Variants in SAP30L observed in about 807,000 individuals in gnomAD.
SAP30L encodes the protein histone deacetylase complex subunit SAP30L.
A neutral mutation model predicts 22.3 loss-of-function variants in SAP30L; 10 were observed. The observed-to-expected ratio is 0.45, with a 90% CI of 0.28 to 0.76. The LOEUF is 0.76. Among genes scored for constraint, SAP30L ranks in the 30% least tolerant of loss-of-function variants. The pLI is 0.14. For synonymous variants in SAP30L, 91 were observed against 94.1 expected (o/e 0.97, Z 0.19); for missense variants, 206 against 237.9 (o/e 0.87, Z 0.88).
intron 3 of SAP30L, among the ~76,000 whole-genome samples, chr5:154,455,137 C>T (rs1582044648): frequency 3.3e-5 from 5 of 152,248 alleles, no homozygotes; most frequent in South Asian, 2.1e-4. Flanking sequence ...AGGCTGGTCT[C>T]GGACTCCTGA....
In SAP30L at chr5:154,456,412, G is replaced by A. The variant is rs146334521; in HGVS notation, c.*384G>A. 2.1e-4 allele frequency: 36 copies of A among 170,062 alleles called. No individual in the cohort carries two copies. The highest frequency in any genetic ancestry group is 1.6e-3 in the South Asian group (12 of 7,474). The allele number at this position is 170,062 out of a possible 1,614,324, so 10.5% of individuals were successfully genotyped here. A position where few individuals can be genotyped will look rare whatever the true frequency, so the allele number is the denominator to read the frequency against. On this transcript the variant is annotated 3_prime_UTR_variant, in exon 4 of 4. Transcript: ENST00000297109. ...CAGCAAGGTGCAATTGGCCATGGAA[G>A]TGCATGAGCAGACCCACATCTGGAC... is the stretch of plus-strand genomic sequence containing the variant.
At chr5:154,452,496 G>T (rs1757164957) in intron 2 of SAP30L, 15 of 985,022 alleles carry the variant, frequency 1.5e-5, no homozygotes, top group Non-Finnish European at 1.8e-5. Flanking sequence ...TCTTTTAGAG[G>T]CAGGTAAAGG....
chr5:154,446,413 G>C lies in SAP30L; in HGVS notation c.-192G>C, dbSNP rs2277938. 13,778 of 436,612 alleles carry C rather than the reference G, an allele frequency of 0.032. 814 individuals are homozygous for C. Among genetic ancestry groups the C allele is most frequent in the East Asian group, 0.23 (6,236 of 27,074 alleles). 27.0% of individuals were successfully genotyped at this position (436,612 alleles called of 1,614,324 possible). The stretch of plus-strand genomic sequence containing the variant: ...GGGGCCTCGAGCCGGGAGGAAGGGG[G>C]CTTCCGGAGGCGGAGGGCCGGGGGC... On this transcript the variant is annotated 5_prime_UTR_variant, in exon 1 of 4. Transcript: ENST00000297109.
Position 154,453,470 on chromosome 5 carries a change from A to G in SAP30L, c.393A>G (p.Arg131=). The change falls in exon 3 of 4, where the codon AGA becomes AGG. Residue 131 remains arginine, a synonymous_variant. Transcript: ENST00000297109. The part of the protein sequence containing the change: ...RYKRHYKLQT[R]PGFNKAQLAE... ...AACGACACTACAAGTTGCAGACCAG[A>G]CCAGGCTTCAATAAGGCCCAGTTAG... 1 of 1,614,070 alleles carries G rather than the reference A, an allele frequency of 6.2e-7. No homozygotes were observed. Among genetic ancestry groups the G allele is most frequent in the East Asian group, 2.2e-5 (1 of 44,882 alleles).
rs1023731679 is a variant in SAP30L at position 154,458,748 on chromosome 5, G to T, written c.*2720G>T. On this transcript the variant is annotated 3_prime_UTR_variant, in exon 4 of 4. Transcript: ENST00000297109. ...GAAACATCAGTATCCTGCCATTCAT[G>T]TTGTTTTAAGATGTTTTAAAAACCA... is the stretch of plus-strand genomic sequence containing the variant. 1 of 152,072 alleles carries T rather than the reference G, an allele frequency of 6.6e-6. No homozygotes were observed. Among genetic ancestry groups the T allele is most frequent in the Non-Finnish European group, 1.5e-5 (1 of 68,030 alleles). The allele number at this position is 152,072 out of a possible 1,614,324, so 9.4% of individuals were successfully genotyped here. A position where few individuals can be genotyped will look rare whatever the true frequency, so the allele number is the denominator to read the frequency against.
rs1336880742 is a variant in SAP30L at position 154,457,496 on chromosome 5, T to A, written c.*1468T>A. On this transcript the variant is annotated 3_prime_UTR_variant, in exon 4 of 4. Transcript: ENST00000297109. ...GCAGAGAGTTTCACAGATGACTTAA[T>A]CTGAGCACCATCACAGAGAAGTCAG... 1.3e-5 allele frequency: 2 copies of A among 152,180 alleles called. No individual in the cohort carries two copies. Among genetic ancestry groups the A allele is most frequent in the Non-Finnish European group, 2.9e-5 (2 of 68,042 alleles). The allele number at this position is 152,180 out of a possible 1,614,324, so 9.4% of individuals were successfully genotyped here.
intron 3 of SAP30L, among the ~76,000 whole-genome samples, chr5:154,455,043 G>A (rs558739539): frequency 7.3e-5 from 11 of 151,598 alleles, no homozygotes; most frequent in African/African-American, 1.9e-4. Context: ...CATGTTTCCC[G>A]AGTGGCTGGG....
At position 154,459,059 on chromosome 5, in the gene SAP30L, G is replaced by C. The variant is rs1757321630; in HGVS notation, c.*3031G>C. The C allele has an allele frequency of 6.6e-6, 1 of 152,236 alleles. No homozygotes were observed. Among genetic ancestry groups the C allele is most frequent in the Non-Finnish European group, 1.5e-5 (1 of 68,038 alleles). The allele number at this position is 152,236 out of a possible 1,614,324, so 9.4% of individuals were successfully genotyped here. On this transcript the variant is annotated 3_prime_UTR_variant, in exon 4 of 4. Transcript: ENST00000297109. ...GTTTAGGCTTTTTATTTTGTGGGAA[G>C]CTTTTTGTTAATATCCTGCAGGGCA... is the stretch of plus-strand genomic sequence containing the variant.
rs1302239651 is a variant in SAP30L at position 154,456,738 on chromosome 5, C to A, written c.*710C>A. 1 of 152,272 alleles carries A rather than the reference C, an allele frequency of 6.6e-6. No individual in the cohort carries two copies. The highest frequency in any genetic ancestry group is 1.5e-5 in the Non-Finnish European group (1 of 68,066). 9.4% of individuals were successfully genotyped at this position (152,272 alleles called of 1,614,324 possible). A position where few individuals can be genotyped will look rare whatever the true frequency, so the allele number is the denominator to read the frequency against. On this transcript the variant is annotated 3_prime_UTR_variant, in exon 4 of 4. Coordinates refer to ENST00000297109, the MANE Select transcript of SAP30L (RefSeq NM_024632.6). The stretch of plus-strand genomic sequence containing the variant: ...GAAGTTTCTGATCAGATAAGGATTT[C>A]AGGACAGTTGCATGTGCAAAACTAT...
chr5:154,446,668 G>A lies in SAP30L; in HGVS notation c.64G>A (p.Ala22Thr), dbSNP rs1413421565. The change falls in exon 1 of 4, where the codon GCC becomes ACC. Residue 22 changes from alanine to threonine, a missense_variant. Physicochemically the swap from Ala to Thr is moderately conservative, Grantham distance 58. Transcript: ENST00000297109. ...GCCCCCCGCCGCCCCAGCTGCCGCC[G>A]CCCCGGGCTACGGCCAGAGCTGCTG... ...EGPPAAPAAA[A>T]PGYGQSCCLI... The A allele has an allele frequency of 6.4e-7, 1 of 1,553,580 alleles. No individual in the cohort carries two copies. Among genetic ancestry groups the A allele is most frequent in the East Asian group, 2.4e-5 (1 of 40,890 alleles).
At position 154,446,462 on chromosome 5, in the gene SAP30L, G is replaced by A. The variant is rs548669814; in HGVS notation, c.-143G>A. ...GCCGAGGGAGCCGGGCCTCTCGGAC[G>A]CGGGGCAGGGCAGCGCCCGGGCTGG... is the stretch of plus-strand genomic sequence containing the variant. On this transcript the variant is annotated 5_prime_UTR_variant, in exon 1 of 4. Transcript: ENST00000297109. 1.5e-4 allele frequency: 94 copies of A among 609,264 alleles called. 1 individual carries two copies. In the South Asian group the frequency reaches 3.6e-3, roughly 23 times the overall value. 37.7% of individuals were successfully genotyped at this position (609,264 alleles called of 1,614,324 possible).
chr5:154,448,632 A>C (rs1757075650), intron 1 of SAP30L, among the ~76,000 whole-genome samples: 1 of 152,260 alleles, frequency 6.6e-6, no homozygotes, highest in Non-Finnish European at 1.5e-5. Context: ...CAGTCCTTTT[A>C]GATCACTGGA....
chr5:154,448,688 T>G (rs1485348143), intron 1 of SAP30L, among the ~76,000 whole-genome samples: 7 of 152,352 alleles, frequency 4.6e-5, no homozygotes, highest in Non-Finnish European at 1.0e-4. Context: ...GGGACTCCTT[T>G]TATTTACCCA....
Position 154,460,071 on chromosome 5 carries a change from A to G in SAP30L, c.*4043A>G, listed in dbSNP as rs1450335869. On this transcript the variant is annotated 3_prime_UTR_variant, in exon 4 of 4. Transcript: ENST00000297109. The stretch of plus-strand genomic sequence containing the variant: ...GTCTAGCATTCTTTCTTTCTGACCT[A>G]TAGGATGACTCTAATTCAGTCTAAA... 6.6e-6 allele frequency: 1 copy of G among 152,188 alleles called. No homozygotes were observed. Among genetic ancestry groups the G allele is most frequent in the African/African-American group, 2.4e-5 (1 of 41,448 alleles). The allele number at this position is 152,188 out of a possible 1,614,324, so 9.4% of individuals were successfully genotyped here. A position where few individuals can be genotyped will look rare whatever the true frequency, so the allele number is the denominator to read the frequency against.
In SAP30L at chr5:154,460,171, A is replaced by C. The variant is rs1387056084; in HGVS notation, c.*4143A>C. 6.6e-6 allele frequency: 1 copy of C among 152,220 alleles called. No individual in the cohort carries two copies. The highest frequency in any genetic ancestry group is 2.4e-5 in the African/African-American group (1 of 41,442). 9.4% of individuals were successfully genotyped at this position (152,220 alleles called of 1,614,324 possible). On this transcript the variant is annotated 3_prime_UTR_variant, in exon 4 of 4. Coordinates refer to ENST00000297109, the MANE Select transcript of SAP30L (RefSeq NM_024632.6). ...AGGCCAACCTAGCTCTCAGGGACCA[A>C]CCTGCAGAACTCAAGATTGAGCGAA...
intron 3 of SAP30L, among the ~76,000 whole-genome samples, chr5:154,454,764 C>T (rs1441318227): frequency 6.6e-6 from 1 of 152,178 alleles, no homozygotes; most frequent in Non-Finnish European, 1.5e-5. Context: ...CCTGCATTCT[C>T]ATTACTTATG....
At chr5:154,449,457 G>T (rs984638463) in intron 1 of SAP30L, among the ~76,000 whole-genome samples, 11 of 152,124 alleles carry the variant, frequency 7.2e-5, no homozygotes, top group African/African-American at 1.7e-4. Context: ...TTACAGCTAG[G>T]ATTCCGTTAT....
chr5:154,459,499 G>A lies in SAP30L; in HGVS notation c.*3471G>A, dbSNP rs539194371. ...TGCTGGCACTGTCCCAAAGCATAGCGTTTGCCTTTTGGAAAGAAACAATGC... is the reference window on the plus strand; with the variant it reads ...TGCTGGCACTGTCCCAAAGCATAGCATTTGCCTTTTGGAAAGAAACAATGC... On this transcript the variant is annotated 3_prime_UTR_variant, in exon 4 of 4. Coordinates refer to ENST00000297109, the MANE Select transcript of SAP30L (RefSeq NM_024632.6). 2.7e-4 allele frequency: 41 copies of A among 152,338 alleles called. No homozygotes were observed. Among genetic ancestry groups the A allele is most frequent in the East Asian group, 1.3e-3 (7 of 5,190 alleles). 9.4% of individuals were successfully genotyped at this position (152,338 alleles called of 1,614,324 possible).
At chr5:154,452,391 G>A (rs1265434141) in intron 2 of SAP30L, 3 of 644,464 alleles carry the variant, frequency 4.7e-6, no homozygotes, top group Middle Eastern at 7.7e-4. Context: ...AAGGTTTTGA[G>A]GAATGTTTTG....
Sources: allele counts gnomAD v4.1 joint callset (sites outside exome capture counted in the v4.1 genomes callset), GRCh38; gene constraint gnomAD v4.1.1; transcripts MANE v1.5; gene names NCBI Gene and HGNC (gene_info 2026-07-23, HGNC 2026-07-21).